Variants in SLC24A2 observed in about 807,000 individuals in gnomAD.
The protein encoded by SLC24A2 is sodium/potassium/calcium exchanger 2.
Under a neutral mutation model 62.0 loss-of-function variants are expected in SLC24A2, and 36 were observed. The ratio of observed to expected loss-of-function variants is 0.58; its 90% CI spans 0.44 to 0.77. SLC24A2 has a LOEUF of 0.77. Among genes scored for constraint, SLC24A2 ranks in the 30% least tolerant of loss-of-function variants. The pLI is 0.00. For synonymous variants in SLC24A2, 358 were observed against 294.0 expected (o/e 1.22, Z -2.23); for missense variants, 846 against 817.9 (o/e 1.03, Z -0.42).
intron 2 of SLC24A2, among the ~76,000 whole-genome samples, chr9:19,743,565 C>T (rs1821742964): frequency 6.6e-6 from 1 of 152,042 alleles, no homozygotes; most frequent in Non-Finnish European, 1.5e-5. Context: ...CTGCGCAGTA[C>T]AATTTATTTG....
In SLC24A2 at chr9:19,514,225, AG is replaced by A. The variant is rs1427275704; in HGVS notation, c.*1927del. 2 of 152,222 alleles carry A rather than the reference AG, an allele frequency of 1.3e-5. No individual in the cohort carries two copies. The highest frequency in any genetic ancestry group is 2.9e-5 in the Non-Finnish European group (2 of 68,084). The allele number at this position is 152,222 out of a possible 1,614,324, so 9.4% of individuals were successfully genotyped here. On this transcript the variant is annotated 3_prime_UTR_variant, in exon 11 of 11. Transcript: ENST00000341998. ...ATACTGAGCTTGATCTGGGGCTGTC[AG>A]GTTACCTTTCCTCTTATTCTGCTGT...
intron 2 of SLC24A2, among the ~76,000 whole-genome samples, chr9:19,662,910 G>A (rs1587117063): frequency 6.6e-6 from 1 of 152,174 alleles, no homozygotes; most frequent in African/African-American, 2.4e-5. Flanking sequence ...TATATTCCAT[G>A]TCTAACTGGT....
chr9:19,519,517 G>A (rs182023562), intron 10 of SLC24A2, among the ~76,000 whole-genome samples: 2 of 152,298 alleles, frequency 1.3e-5, no homozygotes, highest in East Asian at 1.9e-4. Context: ...GAGAAACACT[G>A]TTTACAGTAG....
the SLC24A2 span, among the ~76,000 whole-genome samples, chr9:19,961,190 G>A: frequency 6.6e-6 from 1 of 151,206 alleles, no homozygotes; most frequent in Non-Finnish European, 1.5e-5. Flanking sequence ...TAACAAACCT[G>A]CACGTTGTGC....
At position 19,515,110 on chromosome 9, in the gene SLC24A2, C is replaced by T. The variant is rs1042082266; in HGVS notation, c.*1043G>A. 6.6e-6 allele frequency: 1 copy of T among 152,044 alleles called. No individual in the cohort carries two copies. Among genetic ancestry groups the T allele is most frequent in the African/African-American group, 2.4e-5 (1 of 41,380 alleles). The allele number at this position is 152,044 out of a possible 1,614,324, so 9.4% of individuals were successfully genotyped here. A position where few individuals can be genotyped will look rare whatever the true frequency, so the allele number is the denominator to read the frequency against. On this transcript the variant is annotated 3_prime_UTR_variant, in exon 11 of 11. Coordinates refer to ENST00000341998, the MANE Select transcript of SLC24A2 (RefSeq NM_020344.4). ...TACATGACAATCACAGCTAAACTTACCCCTCTTCTTTTGATGATAATGGGA... is the reference window on the plus strand; with the variant it reads ...TACATGACAATCACAGCTAAACTTATCCCTCTTCTTTTGATGATAATGGGA...
At chr9:20,221,961 G>T in the SLC24A2 span, among the ~76,000 whole-genome samples, 1 of 151,930 alleles carries the variant, frequency 6.6e-6, no homozygotes, top group African/African-American at 2.4e-5. Context: ...AAAAAGAAAT[G>T]AAACAGTGAG....
At chr9:20,199,216 T>C in the SLC24A2 span, among the ~76,000 whole-genome samples, 1 of 152,230 alleles carries the variant, frequency 6.6e-6, no homozygotes, top group Non-Finnish European at 1.5e-5. Context: ...GGAGAGCAAG[T>C]GGTCCATTTC....
the SLC24A2 span, among the ~76,000 whole-genome samples, chr9:20,207,946 A>T: frequency 6.6e-6 from 1 of 152,208 alleles, no homozygotes; most frequent in African/African-American, 2.4e-5. Context: ...CATTCCTTCA[A>T]TATTTAGAAC....
rs1832792624 is a variant in SLC24A2, at chr9:19,513,180, A to ATATATATG, written c.*2972_*2973insCATATATA. 1.5e-5 allele frequency: 2 copies of ATATATATG among 134,980 alleles called. No homozygotes were observed. Among genetic ancestry groups the ATATATATG allele is most frequent in the Non-Finnish European group, 3.1e-5 (2 of 63,628 alleles). The allele number at this position is 134,980 out of a possible 1,614,324, so 8.4% of individuals were successfully genotyped here. On this transcript the variant is annotated 3_prime_UTR_variant, in exon 11 of 11. Coordinates refer to ENST00000341998, the MANE Select transcript of SLC24A2 (RefSeq NM_020344.4). ...TATATATATATATATATATATGTAT[A>ATATATATG]TATATATATATGTATATATTTATAT...
chr9:19,968,703 A>T, the SLC24A2 span, among the ~76,000 whole-genome samples: 1 of 152,228 alleles, frequency 6.6e-6, no homozygotes, highest in African/African-American at 2.4e-5. Flanking sequence ...AGCTGGCATC[A>T]GAACATTTAC....
the SLC24A2 span, among the ~76,000 whole-genome samples, chr9:20,182,690 G>A: frequency 1.3e-5 from 2 of 152,136 alleles, no homozygotes; most frequent in African/African-American, 2.4e-5. Context: ...TGCAAATGAC[G>A]AGTTGATGGG....
In SLC24A2 at chr9:19,686,940, T is replaced by A. The variant is rs369604465; in HGVS notation, c.931-64641A>T. Among the ~76,000 whole-genome samples, 3 of 152,260 alleles carry A rather than the reference T, an allele frequency of 2.0e-5. No homozygotes were observed. The East Asian group carries it at 5.8e-4, about 29-fold the overall frequency. Reference sequence around the variant, plus strand: ...AATGTGATACATGTACACCATGGAATACCATGCAGCCATAAAAAAGAATGA... The same window carrying A: ...AATGTGATACATGTACACCATGGAAAACCATGCAGCCATAAAAAAGAATGA... On this transcript the variant is annotated intron_variant, in intron 2 of 10. Coordinates refer to ENST00000341998, the MANE Select transcript of SLC24A2 (RefSeq NM_020344.4).
chr9:19,795,189 A>G, the SLC24A2 span, among the ~76,000 whole-genome samples: 7 of 152,140 alleles, frequency 4.6e-5, no homozygotes, highest in Non-Finnish European at 8.8e-5. Context: ...TCTCCTCCAT[A>G]CAGTATGTAC....
the SLC24A2 span, among the ~76,000 whole-genome samples, chr9:20,064,896 G>A: frequency 6.6e-6 from 1 of 152,168 alleles, no homozygotes; most frequent in Non-Finnish European, 1.5e-5. Context: ...GACAGTTGAT[G>A]TGCCTGCCAG....
chr9:19,844,603 C>T, the SLC24A2 span, among the ~76,000 whole-genome samples: 1 of 152,012 alleles, frequency 6.6e-6, no homozygotes, highest in Non-Finnish European at 1.5e-5. Flanking sequence ...AGGCCAATGT[C>T]TGGAATGGTG....
chr9:20,259,040 G>A, the SLC24A2 span, among the ~76,000 whole-genome samples: 1,279 of 152,198 alleles, frequency 8.4e-3, 15 homozygotes, highest in African/African-American at 0.028. Context: ...GAGAGTCAGA[G>A]GGAAATGAAA....
chr9:19,627,129 C>A (rs556654874), intron 2 of SLC24A2, among the ~76,000 whole-genome samples: 5 of 152,186 alleles, frequency 3.3e-5, no homozygotes, highest in Non-Finnish European at 7.4e-5. Flanking sequence ...TCTCAGAGAA[C>A]AATGAAGTGC....
chr9:19,875,642 A>G, the SLC24A2 span, among the ~76,000 whole-genome samples: 1 of 152,200 alleles, frequency 6.6e-6, no homozygotes, highest in Non-Finnish European at 1.5e-5. Context: ...AGGGCTCAAG[A>G]AAGAGGAATT....
chr9:19,558,407 A>G (rs182546341), intron 7 of SLC24A2, among the ~76,000 whole-genome samples: 2 of 152,356 alleles, frequency 1.3e-5, no homozygotes, highest in Admixed American at 1.3e-4. Context: ...AGAAAAAGGT[A>G]TAGAGATTTA....
Sources: gnomAD v4.1 joint callset for allele counts (sites outside exome capture counted in the v4.1 genomes callset) on GRCh38, gnomAD v4.1.1 for gene constraint, MANE v1.5 for transcripts, NCBI Gene and HGNC (gene_info 2026-07-23, HGNC 2026-07-21) for gene names.